WWOX: variants seen among roughly 807,000 people sequenced by gnomAD.
The protein encoded by WWOX is WW domain containing oxidoreductase, also known as WW domain-containing oxidoreductase.
A neutral mutation model predicts 46.2 loss-of-function variants in WWOX; 69 were observed. The ratio of observed to expected loss-of-function variants is 1.49; its 90% CI spans 1.23 to 1.82. The LOEUF (loss-of-function observed/expected upper bound fraction) is 1.82. WWOX is among the 40% of genes most tolerant of loss of function. The pLI is 0.00. For missense variants in WWOX, 919 were observed against 542.6 expected, an observed-to-expected ratio of 1.69 and a Z score of -6.89; for synonymous variants, 359 against 202.6, an observed-to-expected ratio of 1.77 and a Z score of -6.56.
intron 5 of WWOX, among the ~76,000 whole-genome samples, chr16:78,376,773 T>C (rs1211413835): frequency 1.3e-5 from 2 of 152,190 alleles, no homozygotes; most frequent in Non-Finnish European, 2.9e-5. Flanking sequence ...GAATGGCCTC[T>C]GGTTGAGAAT....
chr16:78,407,665 C>G (rs1373641901), intron 6 of WWOX, among the ~76,000 whole-genome samples: 1 of 152,170 alleles, frequency 6.6e-6, no homozygotes, highest in Non-Finnish European at 1.5e-5. Flanking sequence ...GCATAAATGA[C>G]TCTTTCTTGA....
chr16:78,762,582 G>A (rs1318253183), intron 8 of WWOX, among the ~76,000 whole-genome samples: 1 of 152,216 alleles, frequency 6.6e-6, no homozygotes, highest in Non-Finnish European at 1.5e-5. Context: ...AGGTGACACA[G>A]TACTAACAGT....
At chr16:78,638,373 C>T (rs1597380623) in intron 8 of WWOX, among the ~76,000 whole-genome samples, 1 of 152,140 alleles carries the variant, frequency 6.6e-6, no homozygotes, top group Non-Finnish European at 1.5e-5. Context: ...ATTCCCTGTC[C>T]TTTCCCCCTC....
intron 5 of WWOX, among the ~76,000 whole-genome samples, chr16:78,185,755 C>G (rs567066503): frequency 2.6e-5 from 4 of 152,342 alleles, no homozygotes; most frequent in African/African-American, 9.6e-5. Flanking sequence ...CAGTCTCCAT[C>G]TCCCAGGTTC....
At chr16:78,403,342 AC>A (rs758470758) in intron 6 of WWOX, among the ~76,000 whole-genome samples, 3 of 152,238 alleles carry the variant, frequency 2.0e-5, no homozygotes, top group Non-Finnish European at 4.4e-5. Context: ...GTCATCTGGT[AC>A]TTAAAACTAT....
intron 8 of WWOX, among the ~76,000 whole-genome samples, chr16:78,492,171 C>T (rs996039062): frequency 6.6e-6 from 1 of 152,116 alleles, no homozygotes; most frequent in Non-Finnish European, 1.5e-5. Context: ...CACAGGGAAG[C>T]AGATAGTTCC....
intron 8 of WWOX, among the ~76,000 whole-genome samples, chr16:78,444,537 T>C (rs1459422065): frequency 6.7e-6 from 1 of 148,548 alleles, no homozygotes; most frequent in Non-Finnish European, 1.5e-5. Flanking sequence ...CAATTCTTTT[T>C]TTTTTTTTTT....
rs550135739 is a variant in WWOX at position 78,679,524 on chromosome 16, C to G, written c.1056+246772C>G. Among the ~76,000 whole-genome samples the G allele has an allele frequency of 1.8e-3, 280 of 152,180 alleles. 2 individuals are homozygous for G. Among genetic ancestry groups the G allele is most frequent in the Non-Finnish European group, 2.8e-3 (191 of 68,016 alleles). Reference sequence around the variant, plus strand: ...CAAAATTGCACCACTGCACTCCAGCCTGGGTGACAGAGTGAGACTCCATCT... The same window carrying G: ...CAAAATTGCACCACTGCACTCCAGCGTGGGTGACAGAGTGAGACTCCATCT... On this transcript the variant is annotated intron_variant, in intron 8 of 8. Transcript: ENST00000566780.
intron 8 of WWOX, among the ~76,000 whole-genome samples, chr16:79,083,246 T>C (rs1203489570): frequency 6.6e-6 from 1 of 152,158 alleles, no homozygotes; most frequent in African/African-American, 2.4e-5. Context: ...TGCCATGTGA[T>C]TTGCTTTGCC....
rs1389564627 is a variant in WWOX, at chr16:78,111,640, C to T, written c.230+1805C>T. Among the ~76,000 whole-genome samples, 4 of 152,138 alleles carry T rather than the reference C, an allele frequency of 2.6e-5. No individual in the cohort carries two copies. In the East Asian group the frequency reaches 7.7e-4, roughly 29 times the overall value. ...CTTCTTGTGGAAGGCTGGGTATTAT[C>T]CAGGCCTGCCCACAGTCATCCGGAG... On this transcript the variant is annotated intron_variant, in intron 3 of 8. Transcript: ENST00000566780.
intron 8 of WWOX, among the ~76,000 whole-genome samples, chr16:79,115,834 C>T (rs1012409875): frequency 2.0e-5 from 3 of 152,312 alleles, no homozygotes; most frequent in African/African-American, 4.8e-5. Context: ...CACCAGCTTT[C>T]GCCACCCAAT....
intron 6 of WWOX, among the ~76,000 whole-genome samples, chr16:78,406,916 G>T (rs974577385): frequency 5.3e-5 from 8 of 152,206 alleles, no homozygotes; most frequent in Non-Finnish European, 1.5e-5. Context: ...GTCAGCCACT[G>T]TGCCCGGCCG....
intron 8 of WWOX, among the ~76,000 whole-genome samples, chr16:79,085,397 C>A (rs1449234274): frequency 6.6e-6 from 1 of 152,170 alleles, no homozygotes; most frequent in African/African-American, 2.4e-5. Flanking sequence ...GAGGTTCCCA[C>A]TGGGTGGTCT....
At chr16:78,427,414 A>G (rs928688652) in intron 7 of WWOX, among the ~76,000 whole-genome samples, 1 of 152,172 alleles carries the variant, frequency 6.6e-6, no homozygotes, top group African/African-American at 2.4e-5. Flanking sequence ...AAAAAATTTC[A>G]GATAACAATT....
intron 8 of WWOX, among the ~76,000 whole-genome samples, chr16:78,494,443 T>A (rs2084859968): frequency 1.3e-5 from 2 of 151,916 alleles, no homozygotes; most frequent in South Asian, 4.2e-4. Context: ...TCTTTCCTTT[T>A]GCATTTTGGA....
At chr16:78,259,827 A>G (rs1215344728) in intron 5 of WWOX, among the ~76,000 whole-genome samples, 4 of 151,292 alleles carry the variant, frequency 2.6e-5, no homozygotes, top group African/African-American at 7.3e-5. Context: ...GTAAAGGAAT[A>G]TTTAAAGATA....
intron 8 of WWOX, among the ~76,000 whole-genome samples, chr16:78,477,789 G>T (rs1216819027): frequency 1.3e-5 from 2 of 152,010 alleles, no homozygotes; most frequent in Non-Finnish European, 2.9e-5. Flanking sequence ...AGAGAATTAT[G>T]AATTCAAGTC....
chr16:78,370,792 G>GTT (rs1567531297), intron 5 of WWOX, among the ~76,000 whole-genome samples: 54 of 95,604 alleles, frequency 5.6e-4, no homozygotes, highest in African/African-American at 2.5e-3. Flanking sequence ...TTTTTTTGGG[G>GTT]GGGGGGGGGC....
intron 8 of WWOX, among the ~76,000 whole-genome samples, chr16:78,986,438 C>G (rs1261139562): frequency 6.6e-6 from 1 of 152,144 alleles, no homozygotes. Context: ...ACTCCAGGCC[C>G]ACAGTATTCT....
Sources: allele counts gnomAD v4.1 joint callset (sites outside exome capture counted in the v4.1 genomes callset), GRCh38; gene constraint gnomAD v4.1.1; transcripts MANE v1.5; gene names NCBI Gene and HGNC (gene_info 2026-07-23, HGNC 2026-07-21).